HAAO: variants seen among roughly 807,000 people sequenced by gnomAD.
The protein encoded by HAAO is 3-hydroxyanthranilate 3,4-dioxygenase.
HAAO carries 49 observed loss-of-function variants against 46.2 expected under a neutral mutation model. The observed-to-expected ratio is 1.06, with a 90% confidence interval of 0.84 to 1.34. The LOEUF is 1.34. HAAO is among the 40% of genes most tolerant of loss of function. The probability of loss-of-function intolerance (pLI) is 0.00; values close to 1 mark genes in which losing one functional copy is unlikely to be tolerated. For missense variants in HAAO, 408 were observed against 364.5 expected, an observed-to-expected ratio of 1.12 and a Z score of -0.97; for synonymous variants, 157 against 145.2, an observed-to-expected ratio of 1.08 and a Z score of -0.58.
intron 4 of HAAO, among the ~76,000 whole-genome samples, chr2:42,776,949 T>C (rs1391720146): frequency 6.6e-6 from 1 of 151,868 alleles, no homozygotes; most frequent in Non-Finnish European, 1.5e-5. Context: ...TCCTTTAATA[T>C]GCAACTTTAA....
intron 4 of HAAO, among the ~76,000 whole-genome samples, chr2:42,771,158 C>T (rs1311735742): frequency 6.6e-6 from 1 of 152,102 alleles, no homozygotes; most frequent in Non-Finnish European, 1.5e-5. Flanking sequence ...GGGTAGATTA[C>T]TTGAGGTCAG....
At chr2:42,782,877 A>G (rs775767963) in intron 4 of HAAO, 15 of 461,282 alleles carry the variant, frequency 3.3e-5, no homozygotes, top group South Asian at 2.3e-4. Context: ...TCGGTGTCTC[A>G]TGTCTCCCTA....
chr2:42,789,078 C>G (rs1008930832), intron 1 of HAAO: 1 of 182,172 alleles, frequency 5.5e-6, no homozygotes, highest in Non-Finnish European at 1.2e-5. Context: ...TGCAGGAGAC[C>G]GTGACATCTA....
chr2:42,769,022 A>G (rs1670880551), intron 7 of HAAO, among the ~76,000 whole-genome samples: 1 of 152,172 alleles, frequency 6.6e-6, no homozygotes, highest in Non-Finnish European at 1.5e-5. Context: ...ACTAGCTTTA[A>G]AATGCAATGT....
intron 4 of HAAO, among the ~76,000 whole-genome samples, chr2:42,781,468 A>G (rs566055503): frequency 6.6e-6 from 1 of 152,342 alleles, no homozygotes; most frequent in Non-Finnish European, 1.5e-5. Context: ...ACTCATAGGT[A>G]TTCAATAGCA....
At chr2:42,776,141 A>G (rs1671556609) in intron 4 of HAAO, among the ~76,000 whole-genome samples, 1 of 151,934 alleles carries the variant, frequency 6.6e-6, no homozygotes, top group Non-Finnish European at 1.5e-5. Flanking sequence ...ATCTAGTTAA[A>G]AGATAGGTGG....
intron 4 of HAAO, chr2:42,782,782 C>T: frequency 2.8e-6 from 1 of 355,696 alleles, no homozygotes; most frequent in South Asian, 2.2e-5. Context: ...CCTGGAAGCC[C>T]CCTTCCCACT....
chr2:42,768,488 G>A (rs548345406), intron 7 of HAAO, among the ~76,000 whole-genome samples: 166 of 152,274 alleles, frequency 1.1e-3, no homozygotes, highest in African/African-American at 3.7e-3. Context: ...TGGTACTGCT[G>A]TGACATGTGC....
intron 1 of HAAO, chr2:42,789,034 C>T (rs1672596438): frequency 9.5e-6 from 2 of 210,940 alleles, no homozygotes; most frequent in South Asian, 9.4e-5. Context: ...TAGGACCCTG[C>T]ACTCTCCCCT....
intron 1 of HAAO, 26 bp downstream of exon 1, chr2:42,792,431 G>A: frequency 7.8e-6 from 11 of 1,419,344 alleles, no homozygotes; most frequent in Non-Finnish European, 1.1e-5. Flanking sequence ...GAGGGCAGGG[G>A]GCGGCCATGG....
rs568995863 is a variant in HAAO, at chr2:42,790,624, C to T, written c.80+1833G>A. ...TCGGCTCAGTGCAGCCTCCACCTCC[C>T]GGGTTCAAGCAATTCTCCTGCCTCG... On this transcript the variant is annotated intron_variant, in intron 1 of 9. Coordinates refer to ENST00000294973, the MANE Select transcript of HAAO (RefSeq NM_012205.3). Among the ~76,000 whole-genome samples the T allele has an allele frequency of 1.1e-4, 16 of 151,980 alleles. No individual in the cohort carries two copies. The South Asian group carries it at 1.5e-3, about 14-fold the overall frequency.
chr2:42,774,010 A>G (rs939678610), intron 4 of HAAO, among the ~76,000 whole-genome samples: 4 of 152,108 alleles, frequency 2.6e-5, no homozygotes, highest in African/African-American at 9.7e-5. Context: ...TCTCTTTTCT[A>G]CCTATGACCT....
At position 42,767,473 on chromosome 2, in the gene HAAO, C is replaced by A; in HGVS notation, c.825G>T (p.Val275=). Residue 275 remains valine, a synonymous_variant, in exon 10 of 10, where the codon GTG becomes GTT. Transcript: ENST00000294973. ...GCTTCTTGCAGGCAGGGTCCTGGGT[C>A]ACAGACAGGGCCACAGAGCCTTGTG... The part of the protein sequence containing the change: ...ERTQGSVALS[V]TQDPACKKPL... 1.9e-6 allele frequency: 3 copies of A among 1,613,366 alleles called. No homozygotes were observed. The highest frequency in any genetic ancestry group is 2.5e-6 in the Non-Finnish European group (3 of 1,179,742).
chr2:42,777,394 A>G (rs9798114), intron 4 of HAAO, among the ~76,000 whole-genome samples: 3 of 151,858 alleles, frequency 2.0e-5, no homozygotes, highest in Admixed American at 2.0e-4. Context: ...AATCTATAAG[A>G]TGCACTTCTA....
intron 4 of HAAO, among the ~76,000 whole-genome samples, chr2:42,771,969 G>C (rs762403063): frequency 6.6e-6 from 1 of 152,180 alleles, no homozygotes; most frequent in Non-Finnish European, 1.5e-5. Flanking sequence ...TGAGTCCCTG[G>C]CTTTTATTAA....
intron 2 of HAAO, among the ~76,000 whole-genome samples, chr2:42,785,487 G>A (rs933919747): frequency 2.6e-5 from 4 of 152,140 alleles, no homozygotes; most frequent in African/African-American, 4.8e-5. Context: ...GGCCCTCTGC[G>A]TGGTGGGATT....
At chr2:42,790,362 A>C (rs10204098) in intron 1 of HAAO, among the ~76,000 whole-genome samples, 1 of 150,964 alleles carries the variant, frequency 6.6e-6, no homozygotes, top group Admixed American at 6.6e-5. Flanking sequence ...GGGAAGCCGC[A>C]AGGAACTTGA....
intron 1 of HAAO, among the ~76,000 whole-genome samples, chr2:42,790,451 T>C (rs1672703996): frequency 6.6e-6 from 1 of 151,058 alleles, no homozygotes; most frequent in African/African-American, 2.4e-5. Context: ...TGGGGAACGA[T>C]TGAGAAGGCT....
intron 3 of HAAO, 136 bp downstream of exon 3, chr2:42,783,648 G>T: frequency 2.6e-6 from 2 of 766,644 alleles, no homozygotes; most frequent in Non-Finnish European, 4.4e-6. Context: ...GAAGGGGCAG[G>T]TTGGCAGGGG....
Sources: allele counts gnomAD v4.1 joint callset (sites outside exome capture counted in the v4.1 genomes callset), GRCh38; gene constraint gnomAD v4.1.1; transcripts MANE v1.5; gene names NCBI Gene and HGNC (gene_info 2026-07-23, HGNC 2026-07-21).